Variants in STAG2 observed in about 807,000 individuals in gnomAD.
STAG2 encodes STAG2 cohesin complex component.
In STAG2, 14 loss-of-function variants were observed where a neutral mutation model predicts 108.1. The observed-to-expected ratio is 0.13, with a 90% CI of 0.09 to 0.20. STAG2 has a LOEUF of 0.20. Ranked by LOEUF, STAG2 falls within the 10% of genes least tolerant of loss-of-function variation. The pLI is 1.00. For missense variants in STAG2, 440 were observed against 940.9 expected (o/e 0.47, Z 6.96); for synonymous variants, 307 against 302.7 (o/e 1.01, Z -0.15).
intron 1 of STAG2, among the ~76,000 whole-genome samples, chrX:123,981,458 A>G (rs1194274469): frequency 8.9e-6 from 1 of 111,792 alleles, no homozygotes; most frequent in Non-Finnish European, 1.9e-5. Context: ...CAGGTGATAC[A>G]TGTTGTAACG....
chrX:124,068,391 A>G (rs1035843927), intron 23 of STAG2, among the ~76,000 whole-genome samples, 173 bp from the exon 24 acceptor site: 1 of 112,131 alleles, frequency 8.9e-6, no homozygotes, highest in Admixed American at 9.5e-5. Flanking sequence ...TTGTAAGACA[A>G]ACCGTCTCTT....
At chrX:124,098,854 T>C (rs779585986) in intron 34 of STAG2, among the ~76,000 whole-genome samples, 1 of 112,136 alleles carries the variant, frequency 8.9e-6, no homozygotes, top group East Asian at 2.8e-4. Context: ...GTGTTGCATA[T>C]ACATAAAATT....
intron 3 of STAG2, among the ~76,000 whole-genome samples, chrX:124,024,379 T>C (rs752319680): frequency 9.0e-6 from 1 of 111,244 alleles, no homozygotes; most frequent in Admixed American, 9.7e-5. Context: ...TTTTCATTTT[T>C]TTTTTGCAAG....
At chrX:124,065,224 TAATTA>T (rs1424905960) in intron 20 of STAG2, among the ~76,000 whole-genome samples, 5 of 112,218 alleles carry the variant, frequency 4.5e-5, no homozygotes, top group South Asian at 3.6e-4. Flanking sequence ...AGCAATGGTT[TAATTA>T]AATTTAATTA....
In STAG2 at chrX:124,051,357, G is replaced by A; in HGVS notation, c.1159G>A (p.Ala387Thr). The change falls in exon 13 of 35, where the codon GCA becomes ACA. Residue 387 changes from alanine (A) to threonine (T), a missense_variant. Physicochemically the swap from Ala to Thr is moderately conservative, Grantham distance 58. This residue lies in a region of STAG2 where 337 missense variants were observed against 649.3 expected (regional missense o/e 0.52). Coordinates refer to ENST00000371145, the MANE Select transcript of STAG2 (RefSeq NM_001042750.2). ...GACCCTTGACAAAGAATATGATGTTGCAGTACAAGCAATAAAATTACTCAC... is the reference window on the plus strand; with the variant it reads ...GACCCTTGACAAAGAATATGATGTTACAGTACAAGCAATAAAATTACTCAC... ...SMTLDKEYDV[A>T]VQAIKLLTLV... 8.3e-7 allele frequency: 1 copy of A among 1,200,897 alleles called. No homozygotes were observed. The highest frequency in any genetic ancestry group is 1.1e-6 in the Non-Finnish European group (1 of 889,293).
chrX:123,999,159 A>G (rs1475438437), intron 1 of STAG2, among the ~76,000 whole-genome samples: 4 of 111,585 alleles, frequency 3.6e-5, no homozygotes, highest in South Asian at 7.5e-4. Flanking sequence ...TTCTATACAC[A>G]TATATATGTG....
chrX:124,031,550 TG>T (rs2057337128), intron 5 of STAG2, among the ~76,000 whole-genome samples: 5 of 80,632 alleles, frequency 6.2e-5, no homozygotes, highest in East Asian at 7.9e-4. Context: ...TTTGTTTGTT[TG>T]TTTTTTTTGT....
At chrX:124,089,619 TC>T (rs1198498411) in intron 30 of STAG2, among the ~76,000 whole-genome samples, 1 of 111,061 alleles carries the variant, frequency 9.0e-6, no homozygotes, top group African/African-American at 3.3e-5. Flanking sequence ...TTAAGTTCAC[TC>T]CCCACACTGC....
intron 1 of STAG2, among the ~76,000 whole-genome samples, chrX:123,969,088 G>A (rs1469245979): frequency 8.9e-6 from 1 of 112,091 alleles, no homozygotes; most frequent in African/African-American, 3.2e-5. Flanking sequence ...ATAGTGCAAG[G>A]TAAATATAGA....
intron 15 of STAG2, 143 bp downstream of exon 15, chrX:124,058,120 A>AT (rs1321939916): frequency 0.018 from 3,928 of 220,146 alleles, no homozygotes; most frequent in Middle Eastern, 0.024. Context: ...CACTCCCCCA[A>AT]TTTTTTTTTT....
chrX:123,977,779 A>G (rs902922162), intron 1 of STAG2, among the ~76,000 whole-genome samples: 56 of 106,738 alleles, frequency 5.2e-4, no homozygotes, highest in African/African-American at 1.6e-3. Flanking sequence ...GCACACACAT[A>G]CTTAGGAAGT....
intron 1 of STAG2, among the ~76,000 whole-genome samples, chrX:123,967,425 C>T (rs767997209): frequency 8.2e-5 from 9 of 109,268 alleles, no homozygotes; most frequent in South Asian, 7.9e-4. Flanking sequence ...GCCACCACAC[C>T]GGGCTAATTT....
chrX:124,063,785 TGTA>T, intron 19 of STAG2, 60 bp from the exon 20 acceptor site: 1 of 1,020,822 alleles, frequency 9.8e-7, no homozygotes, highest in Non-Finnish European at 1.4e-6. Flanking sequence ...GGTATGGTCA[TGTA>T]GTCACTTTAT....
At chrX:124,028,075 T>G (rs2057167566) in intron 4 of STAG2, among the ~76,000 whole-genome samples, 1 of 111,854 alleles carries the variant, frequency 8.9e-6, no homozygotes, top group Non-Finnish European at 1.9e-5. Context: ...ATTTTACTAG[T>G]CTATTCTGTT....
At chrX:124,027,765 T>C (rs1458146954) in intron 4 of STAG2, among the ~76,000 whole-genome samples, 4 of 112,213 alleles carry the variant, frequency 3.6e-5, no homozygotes, top group Middle Eastern at 9.2e-3. Flanking sequence ...GTCCAGAGAA[T>C]CCCAGTGGTT....
At chrX:124,067,770 G>A (rs1196640286) in intron 23 of STAG2, among the ~76,000 whole-genome samples, 1 of 111,619 alleles carries the variant, frequency 9.0e-6, no homozygotes, top group African/African-American at 3.3e-5. Flanking sequence ...AGTGGCTCAC[G>A]CCTGTACTCC....
At chrX:123,986,255 A>G (rs2055187709) in intron 1 of STAG2, among the ~76,000 whole-genome samples, 1 of 108,729 alleles carries the variant, frequency 9.2e-6, no homozygotes, top group African/African-American at 3.3e-5. Flanking sequence ...ATGTTAATAT[A>G]TATAATAAAC....
chrX:124,082,476 T>A (rs1361791402), intron 28 of STAG2, among the ~76,000 whole-genome samples: 1 of 112,024 alleles, frequency 8.9e-6, no homozygotes, highest in African/African-American at 3.2e-5. Context: ...CTCATTTAGT[T>A]ATAAAAGTGC....
At chrX:124,017,980 G>A (rs775592543) in intron 1 of STAG2, among the ~76,000 whole-genome samples, 1 of 112,181 alleles carries the variant, frequency 8.9e-6, no homozygotes, top group East Asian at 2.8e-4. Context: ...TAAGCAAGTA[G>A]TTTTACTTTA....
Sources: gnomAD v4.1 joint callset for allele counts (sites outside exome capture counted in the v4.1 genomes callset) on GRCh38, gnomAD v4.1.1 for gene constraint, gnomAD v4.1.1 regional missense constraint, MANE v1.5 for transcripts, NCBI Gene and HGNC (gene_info 2026-07-23, HGNC 2026-07-21) for gene names.